The following RNF175 variants were observed in gnomAD, a reference collection of about 807,000 sequenced individuals.
The protein encoded by RNF175 is ring finger protein 175.
In RNF175, 38 loss-of-function variants were observed where a neutral mutation model predicts 50.0. The ratio of observed to expected loss-of-function variants is 0.76; its 90% CI spans 0.59 to 1.00. The LOEUF (loss-of-function observed/expected upper bound fraction) is 1.00, where lower values mean the gene tolerates loss of function less well. Among genes scored for constraint, RNF175 ranks in the 50% least tolerant of loss-of-function variants. RNF175 has a pLI of 0.00. For missense variants in RNF175, 388 were observed against 409.6 expected, an observed-to-expected ratio of 0.95 and a Z score of 0.46; for synonymous variants, 155 against 146.1, an observed-to-expected ratio of 1.06 and a Z score of -0.44.
intron 1 of RNF175, among the ~76,000 whole-genome samples, chr4:153,754,265 G>T (rs1249296236): frequency 1.3e-5 from 2 of 152,136 alleles, no homozygotes; most frequent in African/African-American, 4.8e-5. Flanking sequence ...CCAGGGGACT[G>T]GCAGGTTGGG....
intron 6 of RNF175, among the ~76,000 whole-genome samples, 189 bp downstream of exon 6, chr4:153,719,995 A>C (rs1690456685): frequency 1.3e-5 from 2 of 152,254 alleles, no homozygotes. Flanking sequence ...ATTAATTAAC[A>C]AAGAATTTTT....
intron 8 of RNF175, among the ~76,000 whole-genome samples, 174 bp from the exon 9 acceptor site, chr4:153,710,663 GTTAC>G (rs1432160732): frequency 2.0e-5 from 3 of 152,142 alleles, no homozygotes; most frequent in African/African-American, 4.8e-5. Context: ...GGTTGTCATT[GTTAC>G]TTACACCACA....
At chr4:153,718,230 G>GTTTTTTTTTTTTTTTTTTT (rs1272804247) in intron 6 of RNF175, among the ~76,000 whole-genome samples, 5 of 31,864 alleles carry the variant, frequency 1.6e-4, no homozygotes, top group Admixed American at 5.4e-4. Context: ...TTGTTTGTTT[G>GTTTTTTTTTTTTTTTTTTT]TTTGTTTGTT....
At position 153,728,239 on chromosome 4, in the gene RNF175, A is replaced by C. The variant is rs751539719; in HGVS notation, c.369T>G (p.Ala123=). 4 of 1,613,510 alleles carry C rather than the reference A, an allele frequency of 2.5e-6. No homozygotes were observed. The highest frequency in any genetic ancestry group is 3.4e-6 in the Non-Finnish European group (4 of 1,179,562). Residue 123 remains alanine (A), a synonymous_variant, in exon 4 of 9, where the codon GCT becomes GCG. Coordinates refer to ENST00000347063, the MANE Select transcript of RNF175 (RefSeq NM_173662.4). ...SVITSYILFR[A]TRKPLSGRTP... is the part of the protein sequence containing the mutation. The stretch of plus-strand genomic sequence containing the variant: ...TCCTTCCTGAGAGGGGTTTTCGGGT[A>C]GCTCTGAAGAGGATGTAACTGGTAA...
At chr4:153,712,065 C>G (rs766340128) in intron 8 of RNF175, among the ~76,000 whole-genome samples, 4 of 152,176 alleles carry the variant, frequency 2.6e-5, no homozygotes, top group African/African-American at 4.8e-5. Context: ...TTTCTGTACT[C>G]TAGTTCACAT....
intron 1 of RNF175, 64 bp from the exon 2 acceptor site, chr4:153,751,539 G>A (rs1740290693): frequency 1.7e-6 from 2 of 1,157,052 alleles, no homozygotes; most frequent in Non-Finnish European, 2.5e-6. Context: ...TTCTGTGAAA[G>A]CAATATATGG....
rs369868649 is a variant in RNF175, at chr4:153,731,685, G to GAGGGAGGA, written c.247-3325_247-3324insTCCTCCCT. Among the ~76,000 whole-genome samples the GAGGGAGGA allele has an allele frequency of 1.5e-3, 229 of 148,570 alleles. 2 individuals are homozygous for GAGGGAGGA. In the East Asian group the frequency reaches 0.035, roughly 23 times the overall value. ...AAAGAAAGAGAGAGAGGGAGGGAGG[G>GAGGGAGGA]AGGAAGGAAGGAAGGAAGGAAGGAA... is the stretch of plus-strand genomic sequence containing the variant. On this transcript the variant is annotated intron_variant, in intron 3 of 8. Coordinates refer to ENST00000347063, the MANE Select transcript of RNF175 (RefSeq NM_173662.4).
At chr4:153,716,926 A>G (rs755396949) in intron 6 of RNF175, among the ~76,000 whole-genome samples, 1 of 152,236 alleles carries the variant, frequency 6.6e-6, no homozygotes, top group South Asian at 2.1e-4. Flanking sequence ...TCTGCAAAAT[A>G]CCTTTGCATC....
intron 5 of RNF175, chr4:153,720,652 G>C (rs1352851041): frequency 9.7e-6 from 2 of 206,414 alleles, no homozygotes; most frequent in Non-Finnish European, 2.0e-5. Flanking sequence ...CACACCCCAG[G>C]TAACTCCAAT....
chr4:153,733,932 A>G (rs553292509), intron 3 of RNF175, among the ~76,000 whole-genome samples: 11 of 152,310 alleles, frequency 7.2e-5, no homozygotes, highest in African/African-American at 2.4e-4. Context: ...GGTTTTCAGA[A>G]TGTCATATAA....
chr4:153,726,725 T>C (rs1738720753), intron 4 of RNF175, among the ~76,000 whole-genome samples: 1 of 152,224 alleles, frequency 6.6e-6, no homozygotes, highest in Non-Finnish European at 1.5e-5. Context: ...CTATTGCCTC[T>C]TATGTACAGG....
intron 3 of RNF175, among the ~76,000 whole-genome samples, chr4:153,742,902 T>G (rs1483003360): frequency 1.3e-5 from 2 of 151,956 alleles, no homozygotes; most frequent in East Asian, 3.9e-4. Flanking sequence ...TGGAGATAAA[T>G]TTCACTATGT....
At chr4:153,753,651 G>A (rs1168282144) in intron 1 of RNF175, among the ~76,000 whole-genome samples, 2 of 151,438 alleles carry the variant, frequency 1.3e-5, no homozygotes, top group Admixed American at 6.6e-5. Flanking sequence ...TCTGCCTCCC[G>A]GGTTCAAGCG....
intron 6 of RNF175, among the ~76,000 whole-genome samples, chr4:153,719,209 A>G (rs2606318): frequency 0.98 from 149,725 of 152,290 alleles, 73,645 homozygotes; most frequent in East Asian, 1. Flanking sequence ...GGCAGTCTTC[A>G]GTTTTCTGTT....
chr4:153,729,846 A>G, intron 3 of RNF175: 1 of 981,190 alleles, frequency 1.0e-6, no homozygotes, highest in Non-Finnish European at 1.2e-6. Context: ...AAATCCTATA[A>G]CTTCAATTTT....
intron 1 of RNF175, 51 bp downstream of exon 1, chr4:153,759,745 GC>G: frequency 3.2e-6 from 4 of 1,249,236 alleles, no homozygotes; most frequent in Admixed American, 5.4e-5. Context: ...ACCAGCGTGA[GC>G]CCCGGGACCC....
At chr4:153,731,468 A>G (rs897161668) in intron 3 of RNF175, among the ~76,000 whole-genome samples, 1 of 152,186 alleles carries the variant, frequency 6.6e-6, no homozygotes, top group Non-Finnish European at 1.5e-5. Context: ...CTCCCCAACC[A>G]CATATCATAG....
chr4:153,743,600 A>G (rs1025205365), intron 3 of RNF175, among the ~76,000 whole-genome samples: 1 of 152,160 alleles, frequency 6.6e-6, no homozygotes, highest in Non-Finnish European at 1.5e-5. Flanking sequence ...CAGGATCACC[A>G]TGATCATTAT....
intron 3 of RNF175, among the ~76,000 whole-genome samples, chr4:153,744,393 G>A (rs2127150896): frequency 6.6e-6 from 1 of 152,012 alleles, no homozygotes; most frequent in Non-Finnish European, 1.5e-5. Context: ...TTGCACTTCA[G>A]CCTGGGCAAC....
Sources: allele counts gnomAD v4.1 joint callset (sites outside exome capture counted in the v4.1 genomes callset), GRCh38; gene constraint gnomAD v4.1.1; transcripts MANE v1.5; gene names NCBI Gene and HGNC (gene_info 2026-07-23, HGNC 2026-07-21).